The following PPP4R1 variants were observed in gnomAD, a reference collection of about 807,000 sequenced individuals.
PPP4R1 encodes the protein protein phosphatase 4 regulatory subunit 1.
PPP4R1 carries 42 observed loss-of-function variants against 111.2 expected under a neutral mutation model. The observed-to-expected ratio is 0.38, with a 90% CI of 0.29 to 0.49. The LOEUF is 0.49. Among genes scored for constraint, PPP4R1 ranks in the 20% least tolerant of loss-of-function variants. The pLI is 0.97. For synonymous variants in PPP4R1, 409 were observed against 405.5 expected (o/e 1.01, Z -0.10); for missense variants, 1,012 against 1,161.6 (o/e 0.87, Z 1.87).
chr18:9,559,728 G>C, intron 13 of PPP4R1, 124 bp from the exon 14 acceptor site: 1 of 601,646 alleles, frequency 1.7e-6, no homozygotes, highest in Non-Finnish European at 2.4e-6. Flanking sequence ...AAATAGTTGA[G>C]AAAAACCAAT....
chr18:9,596,008 T>C (rs1178018779), intron 2 of PPP4R1, among the ~76,000 whole-genome samples: 1 of 152,104 alleles, frequency 6.6e-6, no homozygotes, highest in Non-Finnish European at 1.5e-5. Flanking sequence ...CAAACCTGAC[T>C]GAAGAGGTAA....
At chr18:9,613,103 G>C (rs1330156647) in intron 2 of PPP4R1, among the ~76,000 whole-genome samples, 2 of 152,212 alleles carry the variant, frequency 1.3e-5, no homozygotes, top group African/African-American at 4.8e-5. Context: ...GTACTAGACA[G>C]TCAATCTCAG....
In PPP4R1 at chr18:9,570,154, T is replaced by C. The variant is rs1211197092; in HGVS notation, c.1573+3A>G. 6.7e-7 allele frequency: 1 copy of C among 1,497,476 alleles called. No individual in the cohort carries two copies. The highest frequency in any genetic ancestry group is 1.4e-5 in the South Asian group (1 of 71,090). The allele number at this position is 1,497,476 out of a possible 1,614,324, so 92.8% of individuals were successfully genotyped here. ...GAATAAATAACTTGATTGACTTCCA[T>C]ACCTTTAACATCTGGATCATCAATG... On this transcript the variant is annotated splice_donor_region_variant and intron_variant, in intron 11 of 19. Transcript: ENST00000400556.
chr18:9,550,134 A>G lies in PPP4R1; in HGVS notation c.2465T>C (p.Val822Ala), dbSNP rs1289530314. Residue 822 changes from valine (V) to alanine (A), a missense_variant, in exon 18 of 20, where the codon GTG (valine) becomes GCG (alanine). By Grantham distance (64) the Val-to-Ala change is moderately conservative. Coordinates refer to ENST00000400556, the MANE Select transcript of PPP4R1 (RefSeq NM_001042388.3). The stretch of plus-strand genomic sequence containing the variant: ...CTCCACAAGCTCATTGATGAGGTCC[A>G]CTCCGAACGTTGGTGGTGTTGCCGC... ...LHAATPPTFG[V>A]DLINELVENF... The G allele has an allele frequency of 1.9e-6, 3 of 1,614,038 alleles. No homozygotes were observed. The highest frequency in any genetic ancestry group is 2.2e-5 in the East Asian group (1 of 44,876).
Position 9,593,772 on chromosome 18 carries a change from A to C in PPP4R1, c.291T>G (p.Asp97Glu), listed in dbSNP as rs1256985766. ...ATTCACTTTCTCCACATATACCTGA[A>C]TCATCGGCCAATCTGCTAATTCTTT... ...VLERISRLAD[D>E]SEPTVRAELM... The change falls in exon 4 of 20, where the codon GAT becomes GAG. Residue 97 changes from aspartate to glutamate, a missense_variant. By Grantham distance (45) the Asp-to-Glu change is conservative (BLOSUM62 2). Coordinates refer to ENST00000400556, the MANE Select transcript of PPP4R1 (RefSeq NM_001042388.3). The C allele has an allele frequency of 6.2e-7, 1 of 1,612,558 alleles. No homozygotes were observed. The highest frequency in any genetic ancestry group is 8.5e-7 in the Non-Finnish European group (1 of 1,178,896).
chr18:9,602,407 G>T (rs1314978), intron 2 of PPP4R1, among the ~76,000 whole-genome samples: 2 of 148,650 alleles, frequency 1.3e-5, no homozygotes, highest in African/African-American at 5.0e-5. Flanking sequence ...TTAGCCGGGC[G>T]TGGTGGCGGG....
At chr18:9,594,033 TCCTC>T in intron 3 of PPP4R1, 159 bp from the exon 4 acceptor site, 1 of 572,736 alleles carries the variant, frequency 1.7e-6, no homozygotes, top group Non-Finnish European at 3.2e-6. Context: ...GCTCAGGTAA[TCCTC>T]CCACCTCAGC....
chr18:9,567,711 C>T (rs927017745), intron 11 of PPP4R1, among the ~76,000 whole-genome samples: 1 of 152,132 alleles, frequency 6.6e-6, no homozygotes, highest in Non-Finnish European at 1.5e-5. Flanking sequence ...AAAGATGTCT[C>T]CTGCAGGTAA....
rs371974571 is a variant in PPP4R1 at position 9,570,277 on chromosome 18, G to C, written c.1453C>G (p.Pro485Ala). The C allele has an allele frequency of 1.2e-6, 2 of 1,611,668 alleles. No homozygotes were observed. The highest frequency in any genetic ancestry group is 1.7e-6 in the Non-Finnish European group (2 of 1,179,108). The change falls in exon 11 of 20, where the codon CCA becomes GCA. Residue 485 changes from proline to alanine, a missense_variant. Pro to Ala is a conservative substitution (Grantham distance 27, BLOSUM62 -1). Coordinates refer to ENST00000400556, the MANE Select transcript of PPP4R1 (RefSeq NM_001042388.3). ...NSGGKPSPEG[P>A]EEESEGPVPS... ...ACAGGGCCCTCAGATTCTTCCTCTG[G>C]TCCCTCTGGGCTGGGTTTTCCCCCA...
intron 14 of PPP4R1, among the ~76,000 whole-genome samples, chr18:9,558,326 T>A (rs140772283): frequency 6.6e-6 from 1 of 152,054 alleles, no homozygotes; most frequent in East Asian, 1.9e-4. Flanking sequence ...GCCATCAGAG[T>A]CACCCAGGTG....
chr18:9,610,024 G>A (rs1294582907), intron 2 of PPP4R1, among the ~76,000 whole-genome samples: 1 of 152,178 alleles, frequency 6.6e-6, no homozygotes, highest in Non-Finnish European at 1.5e-5. Flanking sequence ...TAAACTAAGC[G>A]TTACATAGCC....
chr18:9,590,781 A>T (rs1056330875), intron 4 of PPP4R1, among the ~76,000 whole-genome samples: 9 of 152,186 alleles, frequency 5.9e-5, no homozygotes, highest in African/African-American at 2.2e-4. Flanking sequence ...GGCAAAAAAC[A>T]ATAAGGCTTC....
chr18:9,582,596 T>C (rs72945710), intron 9 of PPP4R1, among the ~76,000 whole-genome samples: 4,434 of 152,248 alleles, frequency 0.029, 96 homozygotes, highest in Admixed American at 0.045. Flanking sequence ...CAACCAAACA[T>C]TTAAGAGATA....
At position 9,614,455 on chromosome 18, in the gene PPP4R1, C is replaced by T. The variant is rs1345944321; in HGVS notation, c.7+23G>A. On this transcript the variant is annotated intron_variant, in intron 1 of 19. Transcript: ENST00000400556. This position sits in a 1 kb window ranked among gnomAD's most constrained non-coding sequence, Gnocchi z 4.1. ...GGTGGGCTCGAGGAGCCGCCGCCGCCCGGAGAACAGGGGGCCACGTACCCG... is the reference window on the plus strand; with the variant it reads ...GGTGGGCTCGAGGAGCCGCCGCCGCTCGGAGAACAGGGGGCCACGTACCCG... 2 of 1,030,558 alleles carry T rather than the reference C, an allele frequency of 1.9e-6. No individual in the cohort carries two copies. Among genetic ancestry groups the T allele is most frequent in the African/African-American group, 3.5e-5 (2 of 57,726 alleles). The allele number at this position is 1,030,558 out of a possible 1,614,324, so 63.8% of individuals were successfully genotyped here. A position where few individuals can be genotyped will look rare whatever the true frequency, so the allele number is the denominator to read the frequency against.
At chr18:9,601,541 A>T (rs931290538) in intron 2 of PPP4R1, among the ~76,000 whole-genome samples, 16 of 152,080 alleles carry the variant, frequency 1.1e-4, no homozygotes, top group South Asian at 8.3e-4. Flanking sequence ...TAAATAAATA[A>T]TTTTTTTAAA....
chr18:9,547,878 C>T lies in PPP4R1; in HGVS notation c.2764G>A (p.Asp922Asn). The T allele has an allele frequency of 1.2e-6, 2 of 1,613,920 alleles. No homozygotes were observed. Among genetic ancestry groups the T allele is most frequent in the Non-Finnish European group, 1.7e-6 (2 of 1,180,034 alleles). ...QTIMALQMDR[D>N]SDVKYFASIH... ...CTTGCAAAATACTTGACATCGCTGT[C>T]ACGGTCCATCTGAAGAGCCATGATG... The change falls in exon 20 of 20, where the codon GAC becomes AAC. Residue 922 changes from aspartate to asparagine, a missense_variant. Physicochemically the swap from Asp to Asn is conservative, Grantham distance 23. Around this residue, in one of 2 missense-constraint regions of PPP4R1, gnomAD observed 305 missense variants for 419.5 expected, o/e 0.73. Transcript: ENST00000400556.
Position 9,583,169 on chromosome 18 carries a change from C to G in PPP4R1, c.866G>C (p.Arg289Pro). The G allele has an allele frequency of 6.2e-7, 1 of 1,611,568 alleles. No homozygotes were observed. Among genetic ancestry groups the G allele is most frequent in the Non-Finnish European group, 8.5e-7 (1 of 1,178,296 alleles). Residue 289 changes from arginine to proline, a missense_variant, in exon 9 of 20, where the codon CGG (arginine) becomes CCG (proline). Around this residue, in one of 2 missense-constraint regions of PPP4R1, gnomAD observed 707 missense variants for 742.1 expected, o/e 0.95. Coordinates refer to ENST00000400556, the MANE Select transcript of PPP4R1 (RefSeq NM_001042388.3). Reference sequence around the variant, plus strand: ...AATAAAAAGTGCTGATAATTTGGTCCGTCGGATTTCTTGACATGTTGCACA... The same window carrying G: ...AATAAAAAGTGCTGATAATTTGGTCGGTCGGATTTCTTGACATGTTGCACA... ...VSCATCQEIR[R>P]TKLSALFINL...
chr18:9,575,350 T>C (rs1262436095), intron 10 of PPP4R1, among the ~76,000 whole-genome samples: 1 of 152,210 alleles, frequency 6.6e-6, no homozygotes, highest in African/African-American at 2.4e-5. Context: ...TTAAAACAAA[T>C]GCCACTGTGC....
intron 11 of PPP4R1, among the ~76,000 whole-genome samples, chr18:9,564,771 G>A (rs1022217592): frequency 2.0e-5 from 3 of 150,424 alleles, no homozygotes; most frequent in African/African-American, 4.9e-5. Flanking sequence ...CTGTTCCCTG[G>A]AAAGTGCAGG....
Sources: allele counts gnomAD v4.1 joint callset (sites outside exome capture counted in the v4.1 genomes callset), GRCh38; gene constraint gnomAD v4.1.1; regional missense constraint gnomAD v4.1.1; non-coding constraint Gnocchi (gnomAD v3.1); transcripts MANE v1.5; gene names NCBI Gene and HGNC (gene_info 2026-07-23, HGNC 2026-07-21).